Variants in CNTN5 observed in about 807,000 individuals in gnomAD.
CNTN5 encodes contactin-5.
In CNTN5, 77 loss-of-function variants were observed where a neutral mutation model predicts 129.1. The observed-to-expected ratio is 0.60, with a 90% CI of 0.50 to 0.72. CNTN5 has a LOEUF of 0.72. Among genes scored for constraint, CNTN5 ranks in the 30% least tolerant of loss-of-function variants. CNTN5 has a pLI of 0.00. For synonymous variants in CNTN5, 509 were observed against 465.6 expected (o/e 1.09, Z -1.20); for missense variants, 1,478 against 1,328.8 (o/e 1.11, Z -1.75).
At chr11:100,182,908 A>C (rs1948180673) in intron 13 of CNTN5, among the ~76,000 whole-genome samples, 1 of 152,068 alleles carries the variant, frequency 6.6e-6, no homozygotes, top group African/African-American at 2.4e-5. Flanking sequence ...ACACTGTAAA[A>C]AAAAAACTCT....
chr11:99,421,842 C>T (rs2135057032), intron 2 of CNTN5, among the ~76,000 whole-genome samples: 1 of 151,894 alleles, frequency 6.6e-6, no homozygotes, highest in East Asian at 1.9e-4. Flanking sequence ...GGAAATATGG[C>T]TTTTACTAGG....
chr11:99,089,256 G>A (rs1328430390), intron 1 of CNTN5, among the ~76,000 whole-genome samples: 5 of 151,874 alleles, frequency 3.3e-5, no homozygotes, highest in African/African-American at 1.2e-4. Context: ...TATATTTATA[G>A]CAGAAAGCAT....
At position 99,916,162 on chromosome 11, in the gene CNTN5, C is replaced by T. The variant is rs374200381; in HGVS notation, c.673+13C>T. ...CCACATTCACCAGGTACAGTAGGAT[C>T]TCATTCTTTGCTGCTGCTGCTGCTC... On this transcript the variant is annotated intron_variant, in intron 7 of 24. Coordinates refer to ENST00000524871, the MANE Select transcript of CNTN5 (RefSeq NM_014361.4). 1.0e-5 allele frequency: 16 copies of T among 1,599,422 alleles called. No individual in the cohort carries two copies. In the African/African-American group the frequency reaches 1.9e-4, roughly 19 times the overall value.
At chr11:99,100,932 A>G (rs559623540) in intron 1 of CNTN5, among the ~76,000 whole-genome samples, 21 of 152,326 alleles carry the variant, frequency 1.4e-4, no homozygotes, top group African/African-American at 5.1e-4. Flanking sequence ...TGTAAAAGCA[A>G]TAAGAATTAA....
intron 6 of CNTN5, among the ~76,000 whole-genome samples, chr11:99,846,357 CA>C (rs35705639): frequency 0.18 from 11,063 of 61,042 alleles, 132 homozygotes; most frequent in Middle Eastern, 0.27. Context: ...GGATCTGTCT[CA>C]AAAAAAAAAA....
At chr11:99,336,037 TA>T (rs35190716) in intron 2 of CNTN5, among the ~76,000 whole-genome samples, 45 of 147,196 alleles carry the variant, frequency 3.1e-4, no homozygotes, top group African/African-American at 8.7e-4. Context: ...TATTCTTGGA[TA>T]AAAAAAAAAA....
chr11:99,317,470 T>C (rs192324770), intron 1 of CNTN5, among the ~76,000 whole-genome samples: 3 of 152,138 alleles, frequency 2.0e-5, no homozygotes, highest in Admixed American at 2.0e-4. Flanking sequence ...CAAGTGCACA[T>C]ATGTGAGAAA....
At chr11:100,078,450 T>C (rs1190723666) in intron 13 of CNTN5, among the ~76,000 whole-genome samples, 1 of 152,158 alleles carries the variant, frequency 6.6e-6, no homozygotes, top group Non-Finnish European at 1.5e-5. Context: ...TTGTTATTTA[T>C]ATCACAGAAT....
intron 1 of CNTN5, among the ~76,000 whole-genome samples, chr11:99,309,494 C>T (rs1435239116): frequency 6.6e-6 from 1 of 152,238 alleles, no homozygotes; most frequent in Non-Finnish European, 1.5e-5. Flanking sequence ...CTTTCTGCCT[C>T]CCAGCAGCTG....
chr11:99,524,639 C>G (rs1947415880), intron 2 of CNTN5, among the ~76,000 whole-genome samples: 1 of 151,728 alleles, frequency 6.6e-6, no homozygotes, highest in Non-Finnish European at 1.5e-5. Flanking sequence ...TGGTGAAAAC[C>G]CATCTCTACT....
At chr11:99,310,297 A>G (rs1030015977) in intron 1 of CNTN5, among the ~76,000 whole-genome samples, 4 of 152,176 alleles carry the variant, frequency 2.6e-5, no homozygotes, top group Non-Finnish European at 4.4e-5. Context: ...AAATTTTTCA[A>G]CTTCTATGAA....
intron 3 of CNTN5, among the ~76,000 whole-genome samples, chr11:99,596,637 G>A (rs1950134951): frequency 6.6e-6 from 1 of 152,064 alleles, no homozygotes; most frequent in Admixed American, 6.6e-5. Flanking sequence ...AGTATACTTG[G>A]TACCATTACA....
At chr11:99,333,409 G>A (rs1866084741) in intron 2 of CNTN5, among the ~76,000 whole-genome samples, 1 of 151,894 alleles carries the variant, frequency 6.6e-6, no homozygotes, top group Non-Finnish European at 1.5e-5. Context: ...TTGCTTTATA[G>A]AATGGGGAAA....
At chr11:99,861,661 C>T (rs1591326420) in intron 6 of CNTN5, among the ~76,000 whole-genome samples, 2 of 152,036 alleles carry the variant, frequency 1.3e-5, no homozygotes. Context: ...TCAGGTCATA[C>T]ATGATTAAGG....
intron 1 of CNTN5, among the ~76,000 whole-genome samples, chr11:99,239,897 A>C (rs1861458430): frequency 6.7e-6 from 1 of 149,846 alleles, no homozygotes; most frequent in Non-Finnish European, 1.5e-5. Context: ...AGATAGCGCC[A>C]CTGTGCTCCA....
At chr11:99,978,372 G>A (rs1938124935) in intron 8 of CNTN5, among the ~76,000 whole-genome samples, 1 of 152,172 alleles carries the variant, frequency 6.6e-6, no homozygotes, top group African/African-American at 2.4e-5. Flanking sequence ...TATCTTAAGT[G>A]TGCCGTGTTT....
chr11:100,305,986 G>A (rs905569377), intron 20 of CNTN5, among the ~76,000 whole-genome samples: 10 of 150,342 alleles, frequency 6.7e-5, no homozygotes, highest in Non-Finnish European at 1.2e-4. Context: ...ATCTCGTAAC[G>A]CTTTAAGAAG....
chr11:99,700,672 G>A (rs185928939), intron 3 of CNTN5, among the ~76,000 whole-genome samples: 91 of 151,336 alleles, frequency 6.0e-4, no homozygotes, highest in African/African-American at 2.1e-3. Context: ...GCCGAGTAAC[G>A]GTAAAAGAAA....
At chr11:99,882,374 G>T (rs1948792767) in intron 6 of CNTN5, among the ~76,000 whole-genome samples, 1 of 151,966 alleles carries the variant, frequency 6.6e-6, no homozygotes, top group East Asian at 1.9e-4. Context: ...CCCCTCCAAA[G>T]AAAAATTTTT....
Sources: allele counts gnomAD v4.1 joint callset (sites outside exome capture counted in the v4.1 genomes callset), GRCh38; gene constraint gnomAD v4.1.1; transcripts MANE v1.5; gene names NCBI Gene and HGNC (gene_info 2026-07-23, HGNC 2026-07-21).